Variants in COX7C observed in about 807,000 individuals in gnomAD.
COX7C encodes the protein cytochrome c oxidase subunit 7C.
Under a neutral mutation model 6.4 loss-of-function variants are expected in COX7C, and 1 was observed. The observed-to-expected ratio is 0.16, with a 90% CI of 0.06 to 0.74. COX7C has a LOEUF of 0.74. COX7C is among the 30% of genes least tolerant of loss of function. The pLI is 0.78. For synonymous variants in COX7C, 24 were observed against 28.9 expected (o/e 0.83, Z 0.54); for missense variants, 54 against 73.7 (o/e 0.73, Z 0.98).
chr5:86,619,708 A>G (rs1750081264), intron 2 of COX7C: 2 of 405,826 alleles, frequency 4.9e-6, no homozygotes, highest in Non-Finnish European at 4.5e-6. Context: ...CTTATCAGGT[A>G]CACTTTACAT....
In COX7C at chr5:86,620,792, G is replaced by C. The variant is rs561127382; in HGVS notation, c.*152G>C. On this transcript the variant is annotated 3_prime_UTR_variant, in exon 3 of 3. Coordinates refer to ENST00000247655, the MANE Select transcript of COX7C (RefSeq NM_001867.3). ...TGCTTAATGCCTCTTTTTTGAAATA[G>C]GGAATGTAATAATTGGCCATTTGCC... 5.8e-5 allele frequency: 15 copies of C among 257,826 alleles called. No individual in the cohort carries two copies. The highest frequency in any genetic ancestry group is 3.4e-4 in the African/African-American group (15 of 44,608). The allele number at this position is 257,826 out of a possible 1,614,324, so 16.0% of individuals were successfully genotyped here.
At chr5:86,618,359 C>G (rs1750045577) in intron 1 of COX7C, 1 of 507,428 alleles carries the variant, frequency 2.0e-6, no homozygotes. Context: ...CCTCCATCAG[C>G]CACCTGACGC....
chr5:86,617,955 C>A lies in COX7C; in HGVS notation c.-101C>A, dbSNP rs988842541. On this transcript the variant is annotated 5_prime_UTR_variant, in exon 1 of 3. Coordinates refer to ENST00000247655, the MANE Select transcript of COX7C (RefSeq NM_001867.3). The stretch of plus-strand genomic sequence containing the variant: ...TTCCCATCTTTCTTTTCAGTCCTTG[C>A]GCACCGGGGAACAAGGTCGTGAAAA... The A allele has an allele frequency of 4.7e-5, 50 of 1,068,388 alleles. No homozygotes were observed. The highest frequency in any genetic ancestry group is 9.4e-5 in the African/African-American group (6 of 63,842). 66.2% of individuals were successfully genotyped at this position (1,068,388 alleles called of 1,614,324 possible). A position where few individuals can be genotyped will look rare whatever the true frequency, so the allele number is the denominator to read the frequency against.
chr5:86,619,979 C>T (rs1377014962), intron 2 of COX7C: 2 of 152,878 alleles, frequency 1.3e-5, no homozygotes, highest in East Asian at 1.9e-4. Context: ...ATTTCCATTT[C>T]TTTTAGAAAG....
Position 86,619,365 on chromosome 5 carries a change from T to G in COX7C, c.88T>G (p.Ser30Ala), listed in dbSNP as rs1750069577. 1.2e-6 allele frequency: 2 copies of G among 1,611,144 alleles called. No individual in the cohort carries two copies. Among genetic ancestry groups the G allele is most frequent in the Non-Finnish European group, 1.7e-6 (2 of 1,178,370 alleles). Residue 30 changes from serine (S) to alanine (A), a missense_variant, in exon 2 of 3, where the codon TCA (serine) becomes GCA (alanine). Transcript: ENST00000247655. The part of the protein sequence containing the change: ...EEGPGKNLPF[S>A]VENKWSLLAK... ...TTTTTTCCAACAGAATTTGCCATTT[T>G]CAGTGGAAAACAAGTGGTCGTTACT...
chr5:86,619,078 AAAGT>A (rs1172220026), intron 1 of COX7C, among the ~76,000 whole-genome samples: 15 of 152,060 alleles, frequency 9.9e-5, no homozygotes, highest in Admixed American at 2.6e-4. Context: ...TCGATTTTCT[AAAGT>A]AAGAAACTTC....
chr5:86,619,262 T>A, intron 1 of COX7C, 91 bp from the exon 2 acceptor site: 1 of 782,890 alleles, frequency 1.3e-6, no homozygotes, highest in Non-Finnish European at 2.2e-6. Flanking sequence ...ATGTAAAATA[T>A]AACTAGCATT....
At chr5:86,618,217 C>G in intron 1 of COX7C, 87 bp downstream of exon 1, 1 of 1,249,112 alleles carries the variant, frequency 8.0e-7, no homozygotes, top group Non-Finnish European at 1.2e-6. Flanking sequence ...CGGGCTGTGG[C>G]GTGGGAGATG....
At chr5:86,618,277 G>T in intron 1 of COX7C, 147 bp downstream of exon 1, 1 of 702,740 alleles carries the variant, frequency 1.4e-6, no homozygotes, top group Non-Finnish European at 2.5e-6. Context: ...CTTAGCCCAA[G>T]GACCAGTGAG....
chr5:86,618,201 C>T (rs932556512), intron 1 of COX7C, 71 bp downstream of exon 1: 207 of 1,406,068 alleles, frequency 1.5e-4, no homozygotes, highest in Non-Finnish European at 1.8e-4. Flanking sequence ...CCTGCAAGGC[C>T]GCCTCCGGGC....
rs890396197 is a variant in COX7C at position 86,620,796 on chromosome 5, ATG to A, written c.*158_*159del. On this transcript the variant is annotated 3_prime_UTR_variant, in exon 3 of 3. Transcript: ENST00000247655. ...TAATGCCTCTTTTTTGAAATAGGGA[ATG>A]TAATAATTGGCCATTTGCCTACTTT... 2.4e-5 allele frequency: 6 copies of A among 254,462 alleles called. No homozygotes were observed. Among genetic ancestry groups the A allele is most frequent in the Non-Finnish European group, 5.1e-5 (6 of 116,552 alleles). The allele number at this position is 254,462 out of a possible 1,614,324, so 15.8% of individuals were successfully genotyped here. A position where few individuals can be genotyped will look rare whatever the true frequency, so the allele number is the denominator to read the frequency against.
chr5:86,618,988 A>G (rs1016737455), intron 1 of COX7C, among the ~76,000 whole-genome samples: 3 of 151,818 alleles, frequency 2.0e-5, no homozygotes, highest in African/African-American at 7.3e-5. Context: ...CAAAAAAAAA[A>G]AAAAAGAAAA....
At chr5:86,618,342 A>G (rs1725332661) in intron 1 of COX7C, 3 of 538,820 alleles carry the variant, frequency 5.6e-6, no homozygotes, top group South Asian at 2.2e-5. Context: ...TAGATCCGGA[A>G]GCCCTGCCTC....
Position 86,619,448 on chromosome 5 carries a change from A to G in COX7C, c.171A>G (p.Arg57=), listed in dbSNP as rs1322821514. Residue 57 remains arginine, a synonymous_variant, in exon 2 of 3, where the codon AGA becomes AGG. Transcript: ENST00000247655. ...TTGCTACACCCTTCCTTGTAGTAAG[A>G]CACCAACTGCTTAAAACATAAGGAT... ...SAFATPFLVV[R]HQLLKT 6.2e-7 allele frequency: 1 copy of G among 1,608,140 alleles called. No homozygotes were observed. Among genetic ancestry groups the G allele is most frequent in the Non-Finnish European group, 8.5e-7 (1 of 1,174,662 alleles).
chr5:86,617,964 G>C lies in COX7C; in HGVS notation c.-92G>C, dbSNP rs576524092. On this transcript the variant is annotated 5_prime_UTR_variant, in exon 1 of 3. Coordinates refer to ENST00000247655, the MANE Select transcript of COX7C (RefSeq NM_001867.3). ...TTCTTTTCAGTCCTTGCGCACCGGG[G>C]AACAAGGTCGTGAAAAAAAAGGTCT... 3.4e-5 allele frequency: 41 copies of C among 1,201,598 alleles called. No homozygotes were observed. The Admixed American group carries it at 6.2e-4, about 18-fold the overall frequency. 74.4% of individuals were successfully genotyped at this position (1,201,598 alleles called of 1,614,324 possible).
intron 1 of COX7C, among the ~76,000 whole-genome samples, chr5:86,619,096 C>T (rs1256279479): frequency 3.3e-5 from 5 of 152,126 alleles, no homozygotes; most frequent in Admixed American, 6.5e-5. Flanking sequence ...AAACTTCTCA[C>T]TATTTGACGT....
intron 1 of COX7C, among the ~76,000 whole-genome samples, chr5:86,618,990 AAAAG>A (rs1750061351): frequency 6.6e-6 from 1 of 151,766 alleles, no homozygotes; most frequent in Non-Finnish European, 1.5e-5. Context: ...AAAAAAAAAA[AAAAG>A]AAAAAAAAAG....
chr5:86,619,566 AAC>A (rs1398770333), intron 2 of COX7C, 70 bp downstream of exon 2: 11 of 786,286 alleles, frequency 1.4e-5, no homozygotes, highest in African/African-American at 3.4e-5. Flanking sequence ...CATCACCCAG[AAC>A]ACACACACAA....
intron 1 of COX7C, among the ~76,000 whole-genome samples, chr5:86,618,500 G>T (rs1750049676): frequency 6.6e-6 from 1 of 152,152 alleles, no homozygotes; most frequent in Non-Finnish European, 1.5e-5. Context: ...AGGAAATCAG[G>T]GCCTCTGGTT....
Sources: allele counts gnomAD v4.1 joint callset (sites outside exome capture counted in the v4.1 genomes callset), GRCh38; gene constraint gnomAD v4.1.1; transcripts MANE v1.5; gene names NCBI Gene and HGNC (gene_info 2026-07-23, HGNC 2026-07-21).